MAX: variants seen among roughly 807,000 people sequenced by gnomAD.
The protein encoded by MAX is MYC associated transcriptional regulator X.
In MAX, 3 loss-of-function variants were observed where a neutral mutation model predicts 22.3. The ratio of observed to expected loss-of-function variants is 0.13; its 90% CI spans 0.06 to 0.35. MAX has a LOEUF of 0.35. Among genes scored for constraint, MAX ranks in the 10% least tolerant of loss-of-function variants. The pLI, the probability that MAX is intolerant of heterozygous loss-of-function variation, is 1.00. For synonymous variants in MAX, 72 were observed against 77.7 expected (o/e 0.93, Z 0.39); for missense variants, 119 against 209.4 (o/e 0.57, Z 2.66).
intron 1 of MAX, 188 bp from the exon 2 acceptor site, chr14:65,101,760 G>A: frequency 1.7e-6 from 1 of 604,112 alleles, no homozygotes; most frequent in Non-Finnish European, 2.9e-6. Flanking sequence ...TAGCAGGGTA[G>A]AGGGGTCCCG....
chr14:65,038,499 C>T (rs1877922819), intron 3 of MAX, among the ~76,000 whole-genome samples: 1 of 152,002 alleles, frequency 6.6e-6, no homozygotes. Context: ...GCAGGCAGAT[C>T]ACGAGGTCAG....
chr14:65,086,863 A>G (rs1254899617), intron 3 of MAX, among the ~76,000 whole-genome samples: 1 of 152,238 alleles, frequency 6.6e-6, no homozygotes, highest in Non-Finnish European at 1.5e-5. Context: ...GGCATGTCAG[A>G]GATCTTCACA....
intron 3 of MAX, among the ~76,000 whole-genome samples, chr14:65,017,652 A>C (rs542269098): frequency 1.3e-5 from 2 of 152,336 alleles, no homozygotes; most frequent in African/African-American, 4.8e-5. Context: ...AATGTTTAAA[A>C]AAAATTTTTT....
chr14:65,064,054 GAGCGGAGCATAAAGAGAACC>G (rs2062906509), intron 3 of MAX, among the ~76,000 whole-genome samples: 1 of 152,136 alleles, frequency 6.6e-6, no homozygotes, highest in Non-Finnish European at 1.5e-5. Flanking sequence ...ACCCTACAGG[GAGCGGAGCATAAAGAGAACC>G]TCATGGATAA....
Position 65,032,739 on chromosome 14 carries a change from C to T in MAX, c.172-26455G>A, listed in dbSNP as rs774228792. The T allele has an allele frequency of 4.1e-5, 64 of 1,580,110 alleles. No individual in the cohort carries two copies. The South Asian group carries it at 5.9e-4, about 15-fold the overall frequency. The stretch of plus-strand genomic sequence containing the variant: ...TTCTCCTGGCCTCTTGGAGAGCAGG[C>T]GGTCACGACACTACTTCAGAAAAAT... On this transcript the variant is annotated intron_variant, in intron 3 of 3. Coordinates refer to the MAX transcript ENST00000341653. The surrounding 1 kb of genome is among the most constrained non-coding windows in gnomAD (Gnocchi z 5.0).
Position 65,054,756 on chromosome 14 carries a change from T to C in MAX, c.171+38952A>G, listed in dbSNP as rs995536341. 58 of 1,495,978 alleles carry C rather than the reference T, an allele frequency of 3.9e-5. 1 individual carries two copies. Among genetic ancestry groups the C allele is most frequent in the Non-Finnish European group, 5.2e-5 (57 of 1,098,294 alleles). 92.7% of individuals were successfully genotyped at this position (1,495,978 alleles called of 1,614,324 possible). On this transcript the variant is annotated intron_variant, in intron 3 of 3. Transcript: ENST00000341653. The surrounding 1 kb of genome is among the most constrained non-coding windows in gnomAD (Gnocchi z 4.4). ...CCTCGCGGACAGAAGGCTTTCCAAG[T>C]AAGCAGAACTGGCTCTGCATTTCCT...
intron 2 of MAX, among the ~76,000 whole-genome samples, chr14:65,095,305 A>AT (rs2063630666): frequency 6.6e-6 from 1 of 152,174 alleles, no homozygotes; most frequent in Admixed American, 6.5e-5. Context: ...GAGCACTTCT[A>AT]AAGTTGTCCT....
intron 3 of MAX, among the ~76,000 whole-genome samples, chr14:65,034,014 A>T (rs1456865487): frequency 6.6e-6 from 1 of 152,200 alleles, no homozygotes; most frequent in Non-Finnish European, 1.5e-5. Context: ...ATATGCTGAG[A>T]TCATGTTTAC....
chr14:65,076,806 C>T lies in MAX; in HGVS notation c.296-143G>A, dbSNP rs1021033762. The T allele has an allele frequency of 5.6e-6, 5 of 894,196 alleles. No individual in the cohort carries two copies. The highest frequency in any genetic ancestry group is 3.9e-5 in the Admixed American group (2 of 51,022). 55.4% of individuals were successfully genotyped at this position (894,196 alleles called of 1,614,324 possible). A position where few individuals can be genotyped will look rare whatever the true frequency, so the allele number is the denominator to read the frequency against. On this transcript the variant is annotated intron_variant, in intron 4 of 4. Coordinates refer to ENST00000358664, the MANE Select transcript of MAX (RefSeq NM_002382.5). This position sits in a 1 kb window ranked among gnomAD's most constrained non-coding sequence, Gnocchi z 6.6. ...CAAGATGCTCAGAAGTAGCTCCCTT[C>T]GGGTGGCTGTTCACTCACACACTTC... is the stretch of plus-strand genomic sequence containing the variant.
At chr14:65,102,545 C>T (rs2063884323), upstream of MAX, 5 of 1,446,056 alleles carry the variant, frequency 3.5e-6, no homozygotes, top group Non-Finnish European at 4.5e-6. Flanking sequence ...GCGGCACGCA[C>T]GCCCGGTCGG....
Position 65,012,472 on chromosome 14 carries a change from TG to T in MAX, c.172-6189del. The T allele has an allele frequency of 6.4e-7, 1 of 1,561,516 alleles. No individual in the cohort carries two copies. The highest frequency in any genetic ancestry group is 8.8e-7 in the Non-Finnish European group (1 of 1,142,150). On this transcript the variant is annotated intron_variant, in intron 3 of 3. Coordinates refer to the MAX transcript ENST00000341653. This position sits in a 1 kb window ranked among gnomAD's most constrained non-coding sequence, Gnocchi z 5.0. ...TTTCTATTTAAACGTAAAAGACTGT[TG>T]GGGCTGACCTGTTGCAGAGTCACTC... is the stretch of plus-strand genomic sequence containing the variant.
At chr14:65,053,352 G>C (rs2062654399) in intron 3 of MAX, 3 of 1,422,812 alleles carry the variant, frequency 2.1e-6, no homozygotes, top group Non-Finnish European at 9.3e-7. Flanking sequence ...CCTGGCAAGT[G>C]AGTGTTTTCT....
Position 65,054,443 on chromosome 14 carries a change from A to G in MAX, c.171+39265T>C, listed in dbSNP as rs145493668. 5.0e-4 allele frequency: 438 copies of G among 881,798 alleles called. 6 individuals carry two copies. The East Asian group carries it at 0.012, about 23-fold the overall frequency. 54.6% of individuals were successfully genotyped at this position (881,798 alleles called of 1,614,324 possible). ...TTTAAATAACACTGCTGGGAAAACC[A>G]TGCCTCCTCTAGCCACATGGAGGAT... On this transcript the variant is annotated intron_variant, in intron 3 of 3. Transcript: ENST00000341653. The surrounding 1 kb of genome is among the most constrained non-coding windows in gnomAD (Gnocchi z 4.4).
chr14:65,067,849 T>C (rs1595119182), intron 3 of MAX, among the ~76,000 whole-genome samples: 1 of 150,240 alleles, frequency 6.7e-6, no homozygotes, highest in East Asian at 2.0e-4. Flanking sequence ...CCCAGGCTGG[T>C]CTTGAACTGC....
In MAX at chr14:65,093,643, G is replaced by C. The variant is rs1026137997; in HGVS notation, c.171+65C>G. On this transcript the variant is annotated intron_variant, in intron 3 of 4. Coordinates refer to ENST00000358664, the MANE Select transcript of MAX (RefSeq NM_002382.5). This position sits in a 1 kb window ranked among gnomAD's most constrained non-coding sequence, Gnocchi z 4.4. ...TTCCTTCCCAATAGGTGAGTGCTCT[G>C]CTAAGCTCTGCAACAAGTTCCAAGC... 3.4e-6 allele frequency: 3 copies of C among 870,422 alleles called. No homozygotes were observed. Among genetic ancestry groups the C allele is most frequent in the Non-Finnish European group, 6.0e-6 (3 of 501,732 alleles). The allele number at this position is 870,422 out of a possible 1,614,324, so 53.9% of individuals were successfully genotyped here.
At position 65,084,272 on chromosome 14, in the gene MAX, T is replaced by G. The variant is rs141542259; in HGVS notation, c.172-6236A>C. The stretch of plus-strand genomic sequence containing the variant: ...AAACTTTGACGATGAAGGACAGGAG[T>G]ACACAATTTCCAAAAGAGGAAATAG... On this transcript the variant is annotated intron_variant, in intron 3 of 4. Coordinates refer to ENST00000358664, the MANE Select transcript of MAX (RefSeq NM_002382.5). The surrounding 1 kb of genome is among the most constrained non-coding windows in gnomAD (Gnocchi z 4.3). 46 of 1,609,550 alleles carry G rather than the reference T, an allele frequency of 2.9e-5. No homozygotes were observed. The African/African-American group carries it at 5.9e-4, about 21-fold the overall frequency.
chr14:65,041,336 G>A (rs188729083), intron 3 of MAX, among the ~76,000 whole-genome samples: 5 of 152,322 alleles, frequency 3.3e-5, no homozygotes, highest in African/African-American at 1.2e-4. Context: ...ATTTAAATGA[G>A]TTGTTTAGGC....
intron 3 of MAX, among the ~76,000 whole-genome samples, chr14:65,024,058 C>T (rs1046085740): frequency 2.0e-5 from 3 of 151,216 alleles, no homozygotes; most frequent in Non-Finnish European, 4.4e-5. Flanking sequence ...GCTGAGATCG[C>T]TCAACTGCAC....
intron 3 of MAX, among the ~76,000 whole-genome samples, chr14:65,018,186 A>G (rs1414483190): frequency 2.6e-5 from 4 of 151,800 alleles, no homozygotes; most frequent in African/African-American, 9.7e-5. Context: ...AAAAATAAAA[A>G]TAAAAATAGC....
Sources: gnomAD v4.1 joint callset for allele counts (sites outside exome capture counted in the v4.1 genomes callset) on GRCh38, gnomAD v4.1.1 for gene constraint, Gnocchi (gnomAD v3.1) non-coding constraint, MANE v1.5 for transcripts, NCBI Gene and HGNC (gene_info 2026-07-23, HGNC 2026-07-21) for gene names.